GRXCR1: variants seen among roughly 807,000 people sequenced by gnomAD.
GRXCR1 encodes glutaredoxin domain-containing cysteine-rich protein 1.
In GRXCR1, 27 loss-of-function variants were observed where a neutral mutation model predicts 27.3. That is an observed-to-expected ratio of 0.99 (90% CI 0.73 to 1.37). The LOEUF (loss-of-function observed/expected upper bound fraction) is 1.37. GRXCR1 is among the 40% of genes most tolerant of loss of function. GRXCR1 has a pLI of 0.00. For missense variants in GRXCR1, 379 were observed against 354.4 expected (o/e 1.07, Z -0.56); for synonymous variants, 122 against 131.1 (o/e 0.93, Z 0.47).
chr4:42,981,749 C>T (rs1472403263), intron 2 of GRXCR1, among the ~76,000 whole-genome samples: 1 of 152,106 alleles, frequency 6.6e-6, no homozygotes, highest in East Asian at 1.9e-4. Flanking sequence ...TTTAATGTAT[C>T]ATCCCCACTC....
intron 3 of GRXCR1, among the ~76,000 whole-genome samples, chr4:43,028,711 G>A (rs1339742125): frequency 2.6e-5 from 4 of 151,996 alleles, no homozygotes; most frequent in African/African-American, 9.7e-5. Context: ...TTTACTCAAA[G>A]TTTTTCTTTT....
chr4:43,017,189 T>C (rs1712956855), intron 2 of GRXCR1, among the ~76,000 whole-genome samples: 1 of 152,240 alleles, frequency 6.6e-6, no homozygotes, highest in African/African-American at 2.4e-5. Context: ...GTGGAGTCAC[T>C]GCAGTGAAAG....
chr4:42,941,797 C>T (rs368434027), intron 1 of GRXCR1, among the ~76,000 whole-genome samples: 3 of 151,874 alleles, frequency 2.0e-5, no homozygotes, highest in African/African-American at 7.3e-5. Flanking sequence ...TCTTATGATA[C>T]GTATCAATGA....
chr4:42,912,886 T>G (rs748446482), intron 1 of GRXCR1, among the ~76,000 whole-genome samples: 2 of 152,146 alleles, frequency 1.3e-5, no homozygotes, highest in Non-Finnish European at 2.9e-5. Context: ...ATGGGAGCAG[T>G]TTCCCCTCTA....
At chr4:43,018,212 C>A (rs1264810232) in intron 2 of GRXCR1, among the ~76,000 whole-genome samples, 2 of 152,186 alleles carry the variant, frequency 1.3e-5, no homozygotes, top group African/African-American at 2.4e-5. Flanking sequence ...GCATGGGGAC[C>A]AAAGGCCTGG....
At chr4:42,950,713 C>T (rs1167726313) in intron 1 of GRXCR1, among the ~76,000 whole-genome samples, 1 of 152,100 alleles carries the variant, frequency 6.6e-6, no homozygotes, top group Non-Finnish European at 1.5e-5. Flanking sequence ...TCCTACAACT[C>T]TCTTGTAGGC....
intron 1 of GRXCR1, among the ~76,000 whole-genome samples, chr4:42,939,519 C>T (rs1014566082): frequency 1.3e-5 from 2 of 151,992 alleles, no homozygotes; most frequent in Admixed American, 1.3e-4. Context: ...ATTGCTTTAG[C>T]TAGGACTCCC....
intron 1 of GRXCR1, among the ~76,000 whole-genome samples, chr4:42,956,816 C>T (rs1363982667): frequency 2.0e-5 from 3 of 152,024 alleles, no homozygotes; most frequent in Non-Finnish European, 4.4e-5. Flanking sequence ...TGCACAACTA[C>T]CCCCACTGGT....
At chr4:42,987,002 A>ATGTGTGTGTGTGTGTG (rs36224914) in intron 2 of GRXCR1, among the ~76,000 whole-genome samples, 10 of 140,800 alleles carry the variant, frequency 7.1e-5, no homozygotes, top group Non-Finnish European at 1.4e-4. Context: ...AGATATGTGT[A>ATGTGTGTGTGTGTGTG]TGTGTGTGTG....
rs1416828048 is a variant in GRXCR1 at position 43,023,800 on chromosome 4, G to A, written c.693+3381G>A. ...TTTCATCCAAAGCTTTTTTGGAGGA[G>A]GCAAAGCATTCAAGAGATGAAAAGA... is the stretch of plus-strand genomic sequence containing the variant. On this transcript the variant is annotated intron_variant, in intron 3 of 3. Transcript: ENST00000399770. Among the ~76,000 whole-genome samples, 4 of 152,204 alleles carry A rather than the reference G, an allele frequency of 2.6e-5. No homozygotes were observed. In the East Asian group the frequency reaches 7.7e-4, roughly 29 times the overall value.
In GRXCR1 at chr4:43,014,793, G is replaced by A. The variant is rs141983716; in HGVS notation, c.628-5561G>A. On this transcript the variant is annotated intron_variant, in intron 2 of 3. Transcript: ENST00000399770. ...AAACACCCACTTGGAATTGAATGCT[G>A]TGTTTACTCCAAAAACTGAATAAGT... Among the ~76,000 whole-genome samples, 782 of 152,232 alleles carry A rather than the reference G, an allele frequency of 5.1e-3. 10 individuals are homozygous for A. Among genetic ancestry groups the A allele is most frequent in the African/African-American group, 0.018 (740 of 41,544 alleles).
chr4:42,934,766 C>T (rs932823041), intron 1 of GRXCR1, among the ~76,000 whole-genome samples: 19 of 152,054 alleles, frequency 1.2e-4, no homozygotes, highest in African/African-American at 4.6e-4. Context: ...AGTCTAGTGA[C>T]TCATACAGAT....
intron 2 of GRXCR1, among the ~76,000 whole-genome samples, chr4:43,018,743 C>T (rs1044122446): frequency 3.9e-5 from 6 of 152,158 alleles, no homozygotes; most frequent in Non-Finnish European, 7.3e-5. Flanking sequence ...AGAGTTCTTT[C>T]CCATTTTAAC....
intron 1 of GRXCR1, among the ~76,000 whole-genome samples, chr4:42,915,416 G>A (rs79299538): frequency 0.07 from 10,635 of 151,962 alleles, 485 homozygotes; most frequent in South Asian, 0.1. Flanking sequence ...AATCAATTAG[G>A]GTGTGTAGGA....
rs143420388 is a variant in GRXCR1 at position 43,022,442 on chromosome 4, A to C, written c.693+2023A>C. 6.5e-4 allele frequency among the ~76,000 whole-genome samples: 99 copies of C among 152,330 alleles called. 1 individual carries two copies. The highest frequency in any genetic ancestry group is 2.3e-3 in the African/African-American group (96 of 41,586). Reference sequence around the variant, plus strand: ...CATCAGCTCAAAAACTTTGGAAAAGAAGATGTTTTTCTCTTCATTAAGTCT... The same window carrying C: ...CATCAGCTCAAAAACTTTGGAAAAGCAGATGTTTTTCTCTTCATTAAGTCT... On this transcript the variant is annotated intron_variant, in intron 3 of 3. Transcript: ENST00000399770.
chr4:42,896,800 T>C (rs1369762186), intron 1 of GRXCR1, among the ~76,000 whole-genome samples: 1 of 152,112 alleles, frequency 6.6e-6, no homozygotes, highest in African/African-American at 2.4e-5. Flanking sequence ...AGAAAATGAA[T>C]GAGATATGCA....
intron 1 of GRXCR1, among the ~76,000 whole-genome samples, chr4:42,950,872 G>A (rs1490622163): frequency 6.6e-6 from 1 of 151,978 alleles, no homozygotes; most frequent in Non-Finnish European, 1.5e-5. Context: ...TAATATCTAT[G>A]TCTATATGTC....
intron 1 of GRXCR1, among the ~76,000 whole-genome samples, chr4:42,942,650 AG>A (rs919163971): frequency 5.3e-5 from 8 of 152,244 alleles, no homozygotes; most frequent in Admixed American, 1.3e-4. Flanking sequence ...CTCCAGCAAC[AG>A]GGTTACTATA....
intron 2 of GRXCR1, among the ~76,000 whole-genome samples, chr4:43,012,197 C>A (rs191278153): frequency 1.7e-4 from 26 of 152,280 alleles, no homozygotes; most frequent in African/African-American, 5.5e-4. Context: ...AGCTAGCATG[C>A]GGCTCTTTAG....
Sources: allele counts gnomAD v4.1 joint callset (sites outside exome capture counted in the v4.1 genomes callset), GRCh38; gene constraint gnomAD v4.1.1; transcripts MANE v1.5; gene names NCBI Gene and HGNC (gene_info 2026-07-23, HGNC 2026-07-21).